Variants in ZCCHC17 observed in about 807,000 individuals in gnomAD.
ZCCHC17 encodes the protein zinc finger CCHC-type containing 17, also known as zinc finger CCHC domain-containing protein 17.
In ZCCHC17, 18 loss-of-function variants were observed where a neutral mutation model predicts 30.6. The ratio of observed to expected loss-of-function variants is 0.59; its 90% confidence interval spans 0.41 to 0.87. The LOEUF (loss-of-function observed/expected upper bound fraction) is 0.87, where lower values mean the gene tolerates loss of function less well. Ranked by LOEUF, ZCCHC17 falls within the 40% of genes least tolerant of loss-of-function variation. The pLI is 0.00. For missense variants in ZCCHC17, 263 were observed against 284.2 expected (o/e 0.93, Z 0.54); for synonymous variants, 88 against 92.4 (o/e 0.95, Z 0.27).
At chr1:31,311,409 T>A (rs1264411950) in intron 2 of ZCCHC17, among the ~76,000 whole-genome samples, 1 of 152,248 alleles carries the variant, frequency 6.6e-6, no homozygotes, top group Non-Finnish European at 1.5e-5. Flanking sequence ...TTGAACAGTC[T>A]GAGTTCTTGC....
In ZCCHC17 at chr1:31,326,893, C is replaced by A. The variant is rs369217773; in HGVS notation, c.124+7727C>A. The stretch of plus-strand genomic sequence containing the variant: ...CCATAAAGAGGGAAGATTATTAAGT[C>A]TCAGCCTGAAAGGACTGAGTTAGAA... On this transcript the variant is annotated intron_variant, in intron 3 of 7. Transcript: ENST00000344147. Among the ~76,000 whole-genome samples, 201 of 152,300 alleles carry A rather than the reference C, an allele frequency of 1.3e-3. 4 individuals are homozygous for A. In the South Asian group the frequency reaches 0.027, roughly 20 times the overall value.
intron 7 of ZCCHC17, among the ~76,000 whole-genome samples, chr1:31,354,459 A>G (rs1379116627): frequency 6.6e-6 from 1 of 152,012 alleles, no homozygotes; most frequent in African/African-American, 2.4e-5. Context: ...GCTGGAGTAC[A>G]GTCACATGAT....
intron 6 of ZCCHC17, among the ~76,000 whole-genome samples, chr1:31,347,376 G>A (rs3766296): frequency 0.54 from 82,582 of 151,892 alleles, 23,349 homozygotes; most frequent in Non-Finnish European, 0.62. Context: ...CTAGTCTTCC[G>A]TCTACCCTAC....
chr1:31,304,635 G>A (rs1459514996), intron 1 of ZCCHC17, among the ~76,000 whole-genome samples: 3 of 149,370 alleles, frequency 2.0e-5, no homozygotes, highest in African/African-American at 5.0e-5. Context: ...TCGCTCTGTC[G>A]CCCAGGCTGG....
At chr1:31,339,504 T>C (rs1638954542) in intron 5 of ZCCHC17, among the ~76,000 whole-genome samples, 1 of 152,116 alleles carries the variant, frequency 6.6e-6, no homozygotes, top group African/African-American at 2.4e-5. Flanking sequence ...TGAGACTCGG[T>C]CTCAAAAAAT....
At chr1:31,337,036 G>A in intron 3 of ZCCHC17, 139 bp from the exon 4 acceptor site, 2 of 659,398 alleles carry the variant, frequency 3.0e-6, no homozygotes, top group Non-Finnish European at 5.1e-6. Flanking sequence ...GTCTCAATTT[G>A]CAGTTTTAAG....
intron 7 of ZCCHC17, among the ~76,000 whole-genome samples, chr1:31,361,690 A>T (rs1437613813): frequency 2.6e-5 from 4 of 152,226 alleles, no homozygotes; most frequent in Admixed American, 6.5e-5. Context: ...AACTGCGCCT[A>T]TGCGATCTGG....
At chr1:31,353,474 A>G (rs1639539076) in intron 7 of ZCCHC17, among the ~76,000 whole-genome samples, 1 of 152,222 alleles carries the variant, frequency 6.6e-6, no homozygotes, top group African/African-American at 2.4e-5. Flanking sequence ...TATTCATTGC[A>G]CAAAAAAATT....
chr1:31,308,816 C>G (rs1426252649), intron 1 of ZCCHC17, among the ~76,000 whole-genome samples: 1 of 152,206 alleles, frequency 6.6e-6, no homozygotes, highest in South Asian at 2.1e-4. Flanking sequence ...CTCAGACCTA[C>G]TGAACTGCAA....
At chr1:31,340,509 G>A (rs1639009094) in intron 5 of ZCCHC17, among the ~76,000 whole-genome samples, 1 of 152,060 alleles carries the variant, frequency 6.6e-6, no homozygotes, top group South Asian at 2.1e-4. Context: ...TAGAGATGGG[G>A]TTTCTCTATG....
chr1:31,322,824 C>T (rs182785230), intron 3 of ZCCHC17, among the ~76,000 whole-genome samples: 103 of 152,022 alleles, frequency 6.8e-4, no homozygotes, highest in Admixed American at 2.2e-3. Flanking sequence ...CGGGTTCAAG[C>T]GTTTCTCCTG....
intron 3 of ZCCHC17, among the ~76,000 whole-genome samples, chr1:31,323,344 C>T (rs999728930): frequency 1.1e-4 from 16 of 150,844 alleles, no homozygotes; most frequent in African/African-American, 3.2e-4. Flanking sequence ...TTTTTTGAGA[C>T]GGAGTCTTGC....
intron 7 of ZCCHC17, among the ~76,000 whole-genome samples, chr1:31,357,836 A>G (rs1311409063): frequency 6.6e-6 from 1 of 150,522 alleles, no homozygotes. Flanking sequence ...GCTCACTGCA[A>G]CCTCTGCCTC....
intron 7 of ZCCHC17, among the ~76,000 whole-genome samples, chr1:31,362,032 G>A (rs1252433504): frequency 2.0e-5 from 3 of 152,056 alleles, no homozygotes; most frequent in African/African-American, 4.8e-5. Flanking sequence ...GGATGGTCTC[G>A]ATCTCCTGAC....
At chr1:31,340,613 G>A (rs190677802) in intron 5 of ZCCHC17, among the ~76,000 whole-genome samples, 106 of 152,296 alleles carry the variant, frequency 7.0e-4, no homozygotes, top group African/African-American at 9.9e-4. Context: ...CACCGCGCCC[G>A]GCCCTTGGAG....
intron 7 of ZCCHC17, among the ~76,000 whole-genome samples, chr1:31,350,682 T>A (rs974442782): frequency 5.3e-5 from 8 of 151,510 alleles, no homozygotes; most frequent in Admixed American, 5.3e-4. Flanking sequence ...TCATTGCAGC[T>A]TCCGCCTCCC....
chr1:31,356,563 C>A (rs1441693677), intron 7 of ZCCHC17, among the ~76,000 whole-genome samples: 1 of 152,194 alleles, frequency 6.6e-6, no homozygotes, highest in East Asian at 1.9e-4. Context: ...AATCTGTGCT[C>A]TCTGTCATTC....
chr1:31,301,850 A>G (rs1303537653), intron 1 of ZCCHC17, among the ~76,000 whole-genome samples: 1 of 152,116 alleles, frequency 6.6e-6, no homozygotes, highest in Admixed American at 6.5e-5. Flanking sequence ...CACGACTGGA[A>G]TTTGAAAGCA....
chr1:31,307,145 T>C (rs929643518), intron 1 of ZCCHC17, among the ~76,000 whole-genome samples: 3 of 151,906 alleles, frequency 2.0e-5, no homozygotes, highest in Admixed American at 2.0e-4. Context: ...TGATTTTTTT[T>C]TTTTTTAAGT....
Sources: allele counts gnomAD v4.1 joint callset (sites outside exome capture counted in the v4.1 genomes callset), GRCh38; gene constraint gnomAD v4.1.1; transcripts MANE v1.5; gene names NCBI Gene and HGNC (gene_info 2026-07-23, HGNC 2026-07-21).